The following CD276 variants were observed in gnomAD, a reference collection of about 807,000 sequenced individuals.
CD276 encodes the protein CD276 antigen.
In CD276, 34 loss-of-function variants were observed where a neutral mutation model predicts 50.0. The ratio of observed to expected loss-of-function variants is 0.68; its 90% CI spans 0.52 to 0.91. CD276 has a LOEUF of 0.91. Ranked by LOEUF, CD276 falls within the 40% of genes least tolerant of loss-of-function variation. CD276 has a pLI of 0.00. For missense variants in CD276, 634 were observed against 717.5 expected, an observed-to-expected ratio of 0.88 and a Z score of 1.33; for synonymous variants, 275 against 313.0, an observed-to-expected ratio of 0.88 and a Z score of 1.28.
intron 1 of CD276, among the ~76,000 whole-genome samples, chr15:73,685,566 T>G (rs140500902): frequency 7.9e-5 from 12 of 152,178 alleles, no homozygotes; most frequent in Admixed American, 4.6e-4. Flanking sequence ...TGGATAATTG[T>G]AAATGAGTCT....
At chr15:73,706,891 TTGAG>T (rs1489384092) in intron 6 of CD276, among the ~76,000 whole-genome samples, 1 of 152,204 alleles carries the variant, frequency 6.6e-6, no homozygotes, top group African/African-American at 2.4e-5. Context: ...GACCCTCTGC[TTGAG>T]TATTTCCATG....
intron 1 of CD276, among the ~76,000 whole-genome samples, chr15:73,697,185 C>G (rs144735594): frequency 2.6e-5 from 4 of 152,254 alleles, no homozygotes; most frequent in East Asian, 1.9e-4. Flanking sequence ...TGAATGGAGC[C>G]GGGGAAGGCT....
intron 4 of CD276, 139 bp from the exon 5 acceptor site, chr15:73,703,520 C>T: frequency 1.4e-6 from 1 of 727,614 alleles, no homozygotes. Context: ...CAGACTTAAT[C>T]TGCTTTTGCA....
intron 6 of CD276, among the ~76,000 whole-genome samples, chr15:73,707,770 G>T (rs1359833839): frequency 6.6e-6 from 1 of 152,184 alleles, no homozygotes; most frequent in Non-Finnish European, 1.5e-5. Context: ...TGGCCCATGG[G>T]CTGTAGTTTG....
At chr15:73,686,207 C>A in intron 1 of CD276, 2 of 667,080 alleles carry the variant, frequency 3.0e-6, no homozygotes, top group Non-Finnish European at 3.7e-6. Flanking sequence ...TGGAGTTCTT[C>A]CATGTCCTTA....
chr15:73,704,584 T>G lies in CD276; in HGVS notation c.1369+112T>G. The G allele has an allele frequency of 7.3e-7, 1 of 1,364,438 alleles. No homozygotes were observed. The highest frequency in any genetic ancestry group is 1.4e-5 in the South Asian group (1 of 71,028). 84.5% of individuals were successfully genotyped at this position (1,364,438 alleles called of 1,614,324 possible). A position where few individuals can be genotyped will look rare whatever the true frequency, so the allele number is the denominator to read the frequency against. ...TGGCCAGAAGACTTTCAAAATCCCT[T>G]TCATAGACTTCAGGTGCTCACACTC... On this transcript the variant is annotated intron_variant, in intron 6 of 9. Transcript: ENST00000318443. This position sits in a 1 kb window ranked among gnomAD's most constrained non-coding sequence, Gnocchi z 4.1.
At chr15:73,694,121 G>A (rs183778866) in intron 1 of CD276, among the ~76,000 whole-genome samples, 1 of 152,180 alleles carries the variant, frequency 6.6e-6, no homozygotes, top group Admixed American at 6.5e-5. Flanking sequence ...ATCCATAGTC[G>A]AGCTCAGTAG....
upstream of CD276, chr15:73,684,063 A>G (rs1899636935): frequency 1.3e-5 from 2 of 152,316 alleles, no homozygotes; most frequent in South Asian, 4.1e-4. Context: ...GTCGATGACC[A>G]GTCAGTCACC....
In CD276 at chr15:73,702,603, A is replaced by G; in HGVS notation, c.418+10A>G. 1 of 1,601,870 alleles carries G rather than the reference A, an allele frequency of 6.2e-7. No homozygotes were observed. On this transcript the variant is annotated intron_variant, in intron 3 of 9. Coordinates refer to ENST00000318443, the MANE Select transcript of CD276 (RefSeq NM_001024736.2). ...AGCCTGCAGGTGGCCGGTGAGCACC[A>G]GGAGGGGGACGCCTTCCCCTTAGTT...
At chr15:73,693,494 G>A (rs1900059751) in intron 1 of CD276, among the ~76,000 whole-genome samples, 1 of 152,178 alleles carries the variant, frequency 6.6e-6, no homozygotes, top group South Asian at 2.1e-4. Context: ...AGTAACAAAT[G>A]AAATATCCTG....
intron 4 of CD276, 27 bp downstream of exon 4, chr15:73,703,113 G>T: frequency 6.5e-7 from 1 of 1,547,052 alleles, no homozygotes; most frequent in Non-Finnish European, 8.8e-7. Context: ...GTCCCCTTGG[G>T]GGAGGGGGGT....
Position 73,702,923 on chromosome 15 carries a change from G to T in CD276, c.570G>T (p.Val190=). 5.6e-6 allele frequency: 9 copies of T among 1,614,144 alleles called. No homozygotes were observed. Among genetic ancestry groups the T allele is most frequent in the South Asian group, 1.1e-5 (1 of 91,082 alleles). The change falls in exon 4 of 10, where the codon GTG becomes GTT. Residue 190 remains valine (V), a synonymous_variant. Transcript: ENST00000318443. ...DGQGVPLTGN[V]TTSQMANEQG... Reference sequence around the variant, plus strand: ...AGGGTGTGCCCCTGACTGGCAACGTGACCACGTCGCAGATGGCCAACGAGC... The same window carrying T: ...AGGGTGTGCCCCTGACTGGCAACGTTACCACGTCGCAGATGGCCAACGAGC...
rs1322150938 is a variant in CD276, at chr15:73,703,051, G to A, written c.698G>A (p.Ser233Asn). 1 of 1,611,646 alleles carries A rather than the reference G, an allele frequency of 6.2e-7. No individual in the cohort carries two copies. Among genetic ancestry groups the A allele is most frequent in the Non-Finnish European group, 8.5e-7 (1 of 1,178,838 alleles). ...CCCGTGCTGCAGCAGGATGCGCACAGCTCTGTCACCATCACACCCCAGAGA... is the reference window on the plus strand; with the variant it reads ...CCCGTGCTGCAGCAGGATGCGCACAACTCTGTCACCATCACACCCCAGAGA... ...RNPVLQQDAH[S>N]SVTITPQRSP... Residue 233 changes from serine to asparagine, a missense_variant, in exon 4 of 10, where the codon AGC (serine) becomes AAC (asparagine). Ser to Asn is a conservative substitution (Grantham distance 46). Transcript: ENST00000318443.
At chr15:73,705,298 T>A (rs1567021641) in intron 6 of CD276, among the ~76,000 whole-genome samples, 1 of 152,230 alleles carries the variant, frequency 6.6e-6, no homozygotes, top group Non-Finnish European at 1.5e-5. Context: ...TGTCTTCTGA[T>A]GACTTCCATC....
chr15:73,708,548 AAT>A (rs995639564), intron 7 of CD276, 75 bp downstream of exon 7: 8 of 1,500,438 alleles, frequency 5.3e-6, no homozygotes, highest in South Asian at 3.7e-5. Context: ...CTTTGATGTC[AAT>A]AGAGTGTCAC....
At chr15:73,695,126 A>T (rs1055445590) in intron 1 of CD276, among the ~76,000 whole-genome samples, 2 of 152,342 alleles carry the variant, frequency 1.3e-5, no homozygotes, top group Non-Finnish European at 2.9e-5. Flanking sequence ...AGCCTTAAGG[A>T]TATAGTCCCT....
chr15:73,708,971 A>G (rs1235819228), intron 7 of CD276, among the ~76,000 whole-genome samples: 2 of 152,148 alleles, frequency 1.3e-5, no homozygotes, highest in Non-Finnish European at 2.9e-5. Context: ...AGTGGGTGAG[A>G]GGACATTGGT....
intron 3 of CD276, 84 bp downstream of exon 3, chr15:73,702,677 A>C: frequency 6.4e-7 from 1 of 1,555,486 alleles, no homozygotes; most frequent in South Asian, 1.2e-5. Context: ...CACTGCTCCC[A>C]GAACCCCAGT....
intron 9 of CD276, chr15:73,711,659 A>G: frequency 6.2e-6 from 1 of 160,080 alleles, no homozygotes; most frequent in East Asian, 1.8e-4. Flanking sequence ...TATGAGCCCT[A>G]ACTCAGGGGA....
Sources: allele counts gnomAD v4.1 joint callset (sites outside exome capture counted in the v4.1 genomes callset), GRCh38; gene constraint gnomAD v4.1.1; non-coding constraint Gnocchi (gnomAD v3.1); transcripts MANE v1.5; gene names NCBI Gene and HGNC (gene_info 2026-07-23, HGNC 2026-07-21).